Variants in TRIM27 observed in about 807,000 individuals in gnomAD.
TRIM27 encodes the protein zinc finger protein RFP.
A neutral mutation model predicts 57.6 loss-of-function variants in TRIM27; 12 were observed. The ratio of observed to expected loss-of-function variants is 0.21; its 90% CI spans 0.13 to 0.34. The LOEUF is 0.34. TRIM27 is among the 10% of genes least tolerant of loss of function. The pLI, the probability that TRIM27 is intolerant of heterozygous loss-of-function variation, is 1.00. For synonymous variants in TRIM27, 266 were observed against 259.0 expected, an observed-to-expected ratio of 1.03 and a Z score of -0.26; for missense variants, 403 against 656.8, an observed-to-expected ratio of 0.61 and a Z score of 4.22.
chr6:28,907,657 A>G, intron 6 of TRIM27: 1 of 507,846 alleles, frequency 2.0e-6, no homozygotes, highest in South Asian at 1.6e-5. Context: ...CTCAAGTGAC[A>G]CTCACTGACA....
Position 28,922,002 on chromosome 6 carries a change from A to G in TRIM27, c.421-15T>C, listed in dbSNP as rs1774077480. On this transcript the variant is annotated splice_polypyrimidine_tract_variant and intron_variant, in intron 1 of 7. Transcript: ENST00000377199. ...TGGATTTGCTCCTGAGAAAAGCAAA[A>G]CAGATGGGCAGTTCAAAATTAGGTA... 1 of 1,594,394 alleles carries G rather than the reference A, an allele frequency of 6.3e-7. No individual in the cohort carries two copies. The highest frequency in any genetic ancestry group is 1.3e-5 in the African/African-American group (1 of 74,516).
In TRIM27 at chr6:28,923,574, A is replaced by T; in HGVS notation, c.59T>A (p.Leu20Gln). ...CATCATGGGCTCTGCGAAGTACTGC[A>T]GGCACACGGGGCAGGTGGTCTCCTG... Reference protein sequence around the residue: ...LQQETTCPVCLQYFAEPMMLD... With the variant: ...LQQETTCPVCQQYFAEPMMLD... The change falls in exon 1 of 8, where the codon CTG (leucine) becomes CAG (glutamine). Residue 20 changes from leucine to glutamine, a missense_variant. Coordinates refer to ENST00000377199, the MANE Select transcript of TRIM27 (RefSeq NM_006510.5). 1 of 1,609,022 alleles carries T rather than the reference A, an allele frequency of 6.2e-7. No homozygotes were observed. Among genetic ancestry groups the T allele is most frequent in the Non-Finnish European group, 8.5e-7 (1 of 1,177,998 alleles).
intron 3 of TRIM27, 57 bp downstream of exon 3, chr6:28,919,955 G>A: frequency 6.5e-7 from 1 of 1,528,898 alleles, no homozygotes; most frequent in African/African-American, 1.4e-5. Flanking sequence ...ACTTGGCAAA[G>A]GAGAAGGGAC....
At chr6:28,923,175 C>A (rs1452378167) in intron 1 of TRIM27, 38 bp downstream of exon 1, 1 of 1,506,738 alleles carries the variant, frequency 6.6e-7, no homozygotes, top group Non-Finnish European at 8.9e-7. Flanking sequence ...TCCCTTTGTC[C>A]GACTCGCGCT....
At chr6:28,910,609 T>C (rs1258125022) in intron 4 of TRIM27, among the ~76,000 whole-genome samples, 1 of 152,092 alleles carries the variant, frequency 6.6e-6, no homozygotes, top group Non-Finnish European at 1.5e-5. Flanking sequence ...GGATTACAGG[T>C]GTGAGCCACC....
intron 6 of TRIM27, 84 bp from the exon 7 acceptor site, chr6:28,907,346 T>A: frequency 7.2e-7 from 1 of 1,387,412 alleles, no homozygotes; most frequent in Non-Finnish European, 1.0e-6. Context: ...TTAGTCATCA[T>A]AAAGCAGTGG....
In TRIM27 at chr6:28,904,306, C is replaced by A; in HGVS notation, c.1306G>T (p.Val436Leu). 3 of 1,613,054 alleles carry A rather than the reference C, an allele frequency of 1.9e-6. No individual in the cohort carries two copies. The highest frequency in any genetic ancestry group is 2.5e-6 in the Non-Finnish European group (3 of 1,179,990). Reference sequence around the variant, plus strand: ...GCATCATAGTCCAAGAAAATCCCCACCCGCTGGAGCGGGGTCCGCAGGGGT... The same window carrying A: ...GCATCATAGTCCAAGAAAATCCCCAACCGCTGGAGCGGGGTCCGCAGGGGT... ...ALPLRTPLQR[V>L]GIFLDYDAGE... Residue 436 changes from valine to leucine, a missense_variant, in exon 8 of 8, where the codon GTG becomes TTG. By Grantham distance (32) the Val-to-Leu change is conservative. Coordinates refer to ENST00000377199, the MANE Select transcript of TRIM27 (RefSeq NM_006510.5). This position sits in a 1 kb window ranked among gnomAD's most constrained non-coding sequence, Gnocchi z 6.1.
intron 3 of TRIM27, among the ~76,000 whole-genome samples, 164 bp from the exon 4 acceptor site, chr6:28,911,882 G>C (rs1773233759): frequency 6.6e-6 from 1 of 152,124 alleles, no homozygotes; most frequent in African/African-American, 2.4e-5. Flanking sequence ...CTAAAAGGCA[G>C]GCAGAGGAAA....
At chr6:28,907,524 C>A (rs1272776559) in intron 6 of TRIM27, 6 of 676,758 alleles carry the variant, frequency 8.9e-6, no homozygotes, top group Non-Finnish European at 1.1e-5. Context: ...TAAAACTGAG[C>A]CAAGATCAAG....
At chr6:28,921,812 C>T (rs1007869419) in intron 2 of TRIM27, 80 bp downstream of exon 2, 1 of 1,170,982 alleles carries the variant, frequency 8.5e-7, no homozygotes, top group Non-Finnish European at 1.3e-6. Flanking sequence ...ACATGCTGGA[C>T]AAGTTTAAGG....
chr6:28,914,886 C>G (rs1773488310), intron 3 of TRIM27: 1 of 151,538 alleles, frequency 6.6e-6, no homozygotes, highest in African/African-American at 2.4e-5. Flanking sequence ...GATATTTTAT[C>G]ACTTGTTTTT....
At position 28,922,312 on chromosome 6, in the gene TRIM27, G is replaced by C. The variant is rs185488569; in HGVS notation, c.421-325C>G. 1.1e-3 allele frequency among the ~76,000 whole-genome samples: 167 copies of C among 152,330 alleles called. 1 individual carries two copies. The highest frequency in any genetic ancestry group is 1.5e-3 in the Admixed American group (23 of 15,306). On this transcript the variant is annotated intron_variant, in intron 1 of 7. Coordinates refer to ENST00000377199, the MANE Select transcript of TRIM27 (RefSeq NM_006510.5). ...CTTAGCGGAACTGTGACTGGAGTAG[G>C]AGGCTTAGAACTATGTTGTATTGTA...
At chr6:28,920,385 T>A in intron 2 of TRIM27, 143 bp from the exon 3 acceptor site, 1 of 639,512 alleles carries the variant, frequency 1.6e-6, no homozygotes, top group Non-Finnish European at 2.6e-6. Context: ...CAGTCTTTAC[T>A]GACTGGATAT....
chr6:28,923,418 G>A lies in TRIM27; in HGVS notation c.215C>T (p.Ala72Val). The A allele has an allele frequency of 1.2e-6, 2 of 1,612,212 alleles. No homozygotes were observed. The highest frequency in any genetic ancestry group is 1.7e-6 in the Non-Finnish European group (2 of 1,179,448). The change falls in exon 1 of 8, where the codon GCC becomes GTC. Residue 72 changes from alanine to valine, a missense_variant. Physicochemically the swap from Ala to Val is moderately conservative, Grantham distance 64. Transcript: ENST00000377199. Reference protein sequence around the residue: ...QRHMRPNRHLANVTQLVKQLR... With the variant: ...QRHMRPNRHLVNVTQLVKQLR... ...CTGCTTTACCAGTTGGGTCACGTTG[G>A]CCAGGTGCCGGTTGGGCCGCATGTG...
At chr6:28,915,852 G>C (rs536984195) in intron 3 of TRIM27, 10 of 152,136 alleles carry the variant, frequency 6.6e-5, no homozygotes, top group African/African-American at 2.4e-4. Context: ...TCCATACAAT[G>C]GAATGTTATT....
At chr6:28,923,083 G>C in intron 1 of TRIM27, 130 bp downstream of exon 1, 1 of 1,101,334 alleles carries the variant, frequency 9.1e-7, no homozygotes, top group South Asian at 1.6e-5. Context: ...GGAGCGGACA[G>C]AGAGGAAATG....
chr6:28,914,021 A>ACG (rs1236788113), intron 3 of TRIM27, among the ~76,000 whole-genome samples: 30 of 112,702 alleles, frequency 2.7e-4, no homozygotes, highest in Non-Finnish European at 5.4e-4. Context: ...TAGCCTACCT[A>ACG]TGTTTTTTTT....
chr6:28,920,683 C>G (rs781323982), intron 2 of TRIM27, among the ~76,000 whole-genome samples: 5 of 152,072 alleles, frequency 3.3e-5, no homozygotes, highest in Non-Finnish European at 5.9e-5. Flanking sequence ...GCAAATGGTG[C>G]TATCTGGCTG....
chr6:28,908,125 T>C (rs1448242494), intron 6 of TRIM27: 1 of 160,804 alleles, frequency 6.2e-6, no homozygotes, highest in Non-Finnish European at 1.4e-5. Flanking sequence ...AGCAGAAAAA[T>C]TTTAATTTGG....
Sources: gnomAD v4.1 joint callset for allele counts (sites outside exome capture counted in the v4.1 genomes callset) on GRCh38, gnomAD v4.1.1 for gene constraint, Gnocchi (gnomAD v3.1) non-coding constraint, MANE v1.5 for transcripts, NCBI Gene and HGNC (gene_info 2026-07-23, HGNC 2026-07-21) for gene names.